Variants in OLFM3 observed in about 807,000 individuals in gnomAD.
OLFM3 encodes olfactomedin 3, also known as noelin-3.
A neutral mutation model predicts 48.6 loss-of-function variants in OLFM3; 20 were observed. The observed-to-expected ratio is 0.41, with a 90% confidence interval of 0.29 to 0.60. The LOEUF (loss-of-function observed/expected upper bound fraction) is 0.60. Ranked by LOEUF, OLFM3 falls within the 20% of genes least tolerant of loss-of-function variation. The probability of loss-of-function intolerance (pLI) is 0.28; values close to 1 mark genes in which losing one functional copy is unlikely to be tolerated. For missense variants in OLFM3, 437 were observed against 544.3 expected (o/e 0.80, Z 1.96); for synonymous variants, 222 against 198.1 (o/e 1.12, Z -1.01).
At chr1:101,901,423 T>C (rs1181405293) in intron 1 of OLFM3, among the ~76,000 whole-genome samples, 2 of 152,088 alleles carry the variant, frequency 1.3e-5, no homozygotes, top group Non-Finnish European at 2.9e-5. Context: ...GGACATGGAA[T>C]GTCCTTACAT....
chr1:101,984,911 A>G (rs1017442939), intron 1 of OLFM3, among the ~76,000 whole-genome samples: 1 of 152,226 alleles, frequency 6.6e-6, no homozygotes, highest in Non-Finnish European at 1.5e-5. Flanking sequence ...TTGCTGTAAC[A>G]AATTACCACA....
intron 1 of OLFM3, among the ~76,000 whole-genome samples, chr1:101,939,194 A>G (rs187102012): frequency 2.6e-5 from 4 of 152,304 alleles, no homozygotes; most frequent in South Asian, 4.1e-4. Context: ...TAAACTTCAT[A>G]AGTTTTATTC....
Position 101,921,187 on chromosome 1 carries a change from CTATT to C in OLFM3, c.69+75557_69+75560del, listed in dbSNP as rs1318637141. 3.9e-5 allele frequency among the ~76,000 whole-genome samples: 5 copies of C among 128,860 alleles called. 1 individual carries two copies. In the South Asian group the frequency reaches 1.0e-3, roughly 26 times the overall value. 84.5% of individuals were successfully genotyped at this position (128,860 alleles called of 152,430 possible). On this transcript the variant is annotated intron_variant, in intron 1 of 5. Coordinates refer to ENST00000370103, the MANE Select transcript of OLFM3 (RefSeq NM_058170.4). ...ATTAAATTATTAGATAGTTGACAAT[CTATT>C]TAAGTTTATACACACACACACACAC...
At position 101,996,867 on chromosome 1, in the gene OLFM3, C is replaced by G. The variant is rs1201284412; in HGVS notation, c.-51G>C. On this transcript the variant is annotated 5_prime_UTR_variant, in exon 1 of 6. Transcript: ENST00000370103. ...TACTCTCTTTTATGTAGGCTCTCCA[C>G]TCACTGCAGAGACCTTTCCCTCGTC... 21 of 1,578,894 alleles carry G rather than the reference C, an allele frequency of 1.3e-5. No homozygotes were observed. The highest frequency in any genetic ancestry group is 1.8e-5 in the Non-Finnish European group (21 of 1,150,534).
chr1:101,925,538 A>T (rs150992647), intron 1 of OLFM3, among the ~76,000 whole-genome samples: 85 of 152,088 alleles, frequency 5.6e-4, no homozygotes, highest in African/African-American at 1.9e-3. Flanking sequence ...TTATTCTTAC[A>T]GACAGGATCT....
At chr1:101,869,585 T>C (rs1482375312) in intron 1 of OLFM3, among the ~76,000 whole-genome samples, 2 of 152,142 alleles carry the variant, frequency 1.3e-5, no homozygotes, top group Non-Finnish European at 2.9e-5. Flanking sequence ...AAGGCATGAT[T>C]GTGTTATGAA....
rs1385382973 is a variant in OLFM3 at position 101,881,220 on chromosome 1, G to GT, written c.70-44196dup. On this transcript the variant is annotated intron_variant, in intron 1 of 5. Coordinates refer to ENST00000370103, the MANE Select transcript of OLFM3 (RefSeq NM_058170.4). ...TCTGTGTAGAATGGGTGTTTGACTT[G>GT]TTTTAGCCTATTAAGTTTTTATTTT... 7.9e-5 allele frequency among the ~76,000 whole-genome samples: 12 copies of GT among 151,898 alleles called. No homozygotes were observed. In the South Asian group the frequency reaches 2.1e-3, roughly 26 times the overall value.
At chr1:101,963,983 C>T (rs1309829773) in intron 1 of OLFM3, among the ~76,000 whole-genome samples, 1 of 152,164 alleles carries the variant, frequency 6.6e-6, no homozygotes, top group Non-Finnish European at 1.5e-5. Context: ...GTAACTAGTG[C>T]AGTGCCTGGG....
At chr1:101,966,317 TTGTGTG>T (rs60173488) in intron 1 of OLFM3, among the ~76,000 whole-genome samples, 33 of 128,062 alleles carry the variant, frequency 2.6e-4, no homozygotes, top group Middle Eastern at 3.6e-3. Context: ...CCTGGCTAAT[TTGTGTG>T]TGTGTGTGTG....
intron 5 of OLFM3, 119 bp from the exon 6 acceptor site, chr1:101,805,034 A>T: frequency 1.3e-6 from 1 of 749,614 alleles, no homozygotes; most frequent in Non-Finnish European, 2.1e-6. Context: ...AAGCCACACT[A>T]TCTTACTGCT....
At chr1:101,887,057 C>G (rs930332265) in intron 1 of OLFM3, among the ~76,000 whole-genome samples, 3 of 151,724 alleles carry the variant, frequency 2.0e-5, no homozygotes, top group African/African-American at 7.3e-5. Context: ...TTAATTTAGA[C>G]CATTTTTTCA....
At chr1:101,916,561 C>T (rs1570628079) in intron 1 of OLFM3, among the ~76,000 whole-genome samples, 1 of 152,048 alleles carries the variant, frequency 6.6e-6, no homozygotes, top group African/African-American at 2.4e-5. Context: ...AATTTCCTGC[C>T]TTACTAGGAA....
chr1:101,880,645 A>C, intron 1 of OLFM3, among the ~76,000 whole-genome samples: 1 of 151,786 alleles, frequency 6.6e-6, no homozygotes, highest in East Asian at 1.9e-4. Flanking sequence ...CCCTAGAGGT[A>C]GTTGTTAATA....
At chr1:101,874,405 A>G (rs1657211302) in intron 1 of OLFM3, among the ~76,000 whole-genome samples, 1 of 151,704 alleles carries the variant, frequency 6.6e-6, no homozygotes, top group African/African-American at 2.4e-5. Context: ...ATGTATCTTG[A>G]TCATTTTTTG....
intron 1 of OLFM3, among the ~76,000 whole-genome samples, chr1:101,978,503 A>T (rs904033699): frequency 6.6e-6 from 1 of 152,204 alleles, no homozygotes; most frequent in Admixed American, 6.5e-5. Flanking sequence ...AACAGCTCAA[A>T]TAAAATTTGT....
At chr1:101,919,376 G>A (rs1659023857) in intron 1 of OLFM3, among the ~76,000 whole-genome samples, 1 of 150,992 alleles carries the variant, frequency 6.6e-6, no homozygotes, top group South Asian at 2.1e-4. Flanking sequence ...GTCATATTTT[G>A]CTCCCGTTAT....
chr1:101,832,588 T>G (rs1236557730), intron 2 of OLFM3, among the ~76,000 whole-genome samples: 5 of 152,230 alleles, frequency 3.3e-5, no homozygotes, highest in Non-Finnish European at 7.3e-5. Context: ...TAGCCTTCCC[T>G]TTGTGAGCTC....
intron 1 of OLFM3, among the ~76,000 whole-genome samples, chr1:101,905,375 A>G (rs1250933921): frequency 6.6e-6 from 1 of 152,196 alleles, no homozygotes; most frequent in East Asian, 1.9e-4. Context: ...ATATCACTTA[A>G]GATACACTCA....
rs71655097 is a variant in OLFM3 at position 101,828,009 on chromosome 1, G to GCTCT, written c.372+2659_372+2662dup. On this transcript the variant is annotated intron_variant, in intron 3 of 5. Coordinates refer to ENST00000370103, the MANE Select transcript of OLFM3 (RefSeq NM_058170.4). ...TAAAGTGTGGTACTTCTGCATTCAT[G>GCTCT]CTCTCTCTCTCTCTCTCTCTCTCTG... Among the ~76,000 whole-genome samples the GCTCT allele has an allele frequency of 1.4e-3, 184 of 136,042 alleles. No individual in the cohort carries two copies. In the East Asian group the frequency reaches 0.022, roughly 17 times the overall value. The allele number at this position is 136,042 out of a possible 152,430, so 89.2% of individuals were successfully genotyped here.
Sources: gnomAD v4.1 joint callset for allele counts (sites outside exome capture counted in the v4.1 genomes callset) on GRCh38, gnomAD v4.1.1 for gene constraint, MANE v1.5 for transcripts, NCBI Gene and HGNC (gene_info 2026-07-23, HGNC 2026-07-21) for gene names.